P2RX5: variants seen among roughly 807,000 people sequenced by gnomAD.
P2RX5 encodes P2X purinoceptor 5.
A neutral mutation model predicts 54.1 loss-of-function variants in P2RX5; 46 were observed. That is an observed-to-expected ratio of 0.85 (90% CI 0.67 to 1.09). The LOEUF is 1.09. Ranked by LOEUF, P2RX5 falls within the 50% of genes least tolerant of loss-of-function variation. The pLI is 0.00. For synonymous variants in P2RX5, 226 were observed against 226.4 expected, an observed-to-expected ratio of 1.00 and a Z score of 0.02; for missense variants, 566 against 549.8, an observed-to-expected ratio of 1.03 and a Z score of -0.29.
At chr17:3,707,796 C>T in the P2RX5 span, among the ~76,000 whole-genome samples, 1 of 152,092 alleles carries the variant, frequency 6.6e-6, no homozygotes, top group African/African-American at 2.4e-5. Context: ...CGGTGGCTCA[C>T]GCCTGTAATC....
the P2RX5 span, chr17:3,716,664 T>C: frequency 7.4e-7 from 1 of 1,355,900 alleles, no homozygotes; most frequent in Non-Finnish European, 1.1e-6. Flanking sequence ...CTTCCCTCAC[T>C]GTGATGCCAT....
chr17:3,676,263 T>C, intron 11 of P2RX5: 1 of 985,416 alleles, frequency 1.0e-6, no homozygotes, highest in Non-Finnish European at 1.2e-6. Context: ...CGAAACGTAC[T>C]TCATGTCCAT....
chr17:3,673,390 G>A lies in P2RX5; in HGVS notation c.*478C>T. 9.6e-7 allele frequency: 1 copy of A among 1,043,568 alleles called. No homozygotes were observed. Among genetic ancestry groups the A allele is most frequent in the Non-Finnish European group, 1.2e-6 (1 of 864,226 alleles). 64.6% of individuals were successfully genotyped at this position (1,043,568 alleles called of 1,614,324 possible). ...GAAGGTGGTGTCTTTAGGAGAGAGA[G>A]TACTTGGATCCACTGGAGAGTATGC... is the stretch of plus-strand genomic sequence containing the variant. On this transcript the variant is annotated 3_prime_UTR_variant, in exon 12 of 12. Transcript: ENST00000225328.
At chr17:3,689,941 C>T (rs575367091) in intron 6 of P2RX5, 129 bp downstream of exon 6, 42 of 911,350 alleles carry the variant, frequency 4.6e-5, no homozygotes, top group African/African-American at 1.3e-4. Context: ...CACGCACACA[C>T]GCGAACACAC....
At chr17:3,678,180 C>T (rs971854493) in intron 11 of P2RX5, 5 of 890,498 alleles carry the variant, frequency 5.6e-6, no homozygotes, top group African/African-American at 3.6e-5. Context: ...AGAGGACTGT[C>T]GGGAGCCGGT....
rs1257958059 is a variant in P2RX5 at position 3,688,656 on chromosome 17, G to T, written c.857C>A (p.Ser286Ter). ...GTTGTACCCGGAGGAGACAGACTTT[G>T]AAAGTTTATTGTCCAGACGGCTAAA... is the stretch of plus-strand genomic sequence containing the variant. ...YSFSRLDNKL[S>*]KSVSSGYNFR... Residue 286 changes from serine (S) to a stop codon, truncating the protein, a stop_gained, in exon 8 of 12, where the codon TCA becomes TAA. Transcript: ENST00000225328. LOFTEE classifies it high-confidence loss of function. 1 of 1,614,108 alleles carries T rather than the reference G, an allele frequency of 6.2e-7. No individual in the cohort carries two copies. The highest frequency in any genetic ancestry group is 1.7e-5 in the Admixed American group (1 of 60,030).
chr17:3,703,559 A>G, the P2RX5 span, among the ~76,000 whole-genome samples: 1 of 152,012 alleles, frequency 6.6e-6, no homozygotes, highest in Non-Finnish European at 1.5e-5. Flanking sequence ...TCATTTCCCT[A>G]TGGGATGAAG....
At chr17:3,690,874 C>T (rs577825098) in intron 3 of P2RX5, 82 bp downstream of exon 3, 95 of 1,318,502 alleles carry the variant, frequency 7.2e-5, no homozygotes, top group African/African-American at 1.7e-4. Flanking sequence ...TGGACAGACA[C>T]CCTTGCTTCA....
the P2RX5 span, chr17:3,722,479 T>TAA: frequency 6.6e-5 from 7 of 106,864 alleles, no homozygotes; most frequent in South Asian, 6.3e-4. Flanking sequence ...AGACTCCATC[T>TAA]AAAAAAAAAA....
chr17:3,678,754 G>A (rs560364315), intron 11 of P2RX5, among the ~76,000 whole-genome samples: 2 of 152,354 alleles, frequency 1.3e-5, no homozygotes, highest in East Asian at 3.9e-4. Flanking sequence ...TGGTTTGCAA[G>A]AGAGTCACAG....
rs2050542703 is a variant in P2RX5, at chr17:3,689,526, C to T, written c.719G>A (p.Trp240Ter). Residue 240 changes from tryptophan (W) to a stop codon, truncating the protein, a stop_gained, in exon 7 of 12, where the codon TGG becomes TAG. Transcript: ENST00000225328. LOFTEE classifies it high-confidence loss of function. Reference sequence around the variant, plus strand: ...TATATCCTGGAAGTCGCTCCCGGCCCAGCGGATCACGGAGCCCAGTCGGAA... The same window carrying T: ...TATATCCTGGAAGTCGCTCCCGGCCTAGCGGATCACGGAGCCCAGTCGGAA... ...PIFRLGSVIR[W>*]AGSDFQDIAL... is the part of the protein sequence containing the mutation. 1 of 1,614,206 alleles carries T rather than the reference C, an allele frequency of 6.2e-7. No homozygotes were observed. Among genetic ancestry groups the T allele is most frequent in the African/African-American group, 1.3e-5 (1 of 75,068 alleles).
chr17:3,674,678 G>T (rs926077566), intron 11 of P2RX5, among the ~76,000 whole-genome samples: 10 of 152,322 alleles, frequency 6.6e-5, no homozygotes, highest in South Asian at 6.2e-4. Flanking sequence ...CTTCACCCAG[G>T]TTCTCCGTTG....
Position 3,695,935 on chromosome 17 carries a change from G to A in P2RX5, c.71C>T (p.Ala24Val), listed in dbSNP as rs1249676030. 1 of 1,614,040 alleles carries A rather than the reference G, an allele frequency of 6.2e-7. No homozygotes were observed. The highest frequency in any genetic ancestry group is 8.5e-7 in the Non-Finnish European group (1 of 1,180,002). The change falls in exon 1 of 12, where the codon GCC becomes GTC. Residue 24 changes from alanine to valine, a missense_variant. Ala to Val is a moderately conservative substitution (Grantham distance 64, BLOSUM62 0). Transcript: ENST00000225328. ...CAGCAGGCCCACCTTCTTGTTCTTG[G>A]CGATGACATACTTCTCGGTCTTGTA... The part of the protein sequence containing the change: ...FDYKTEKYVI[A>V]KNKKVGLLYR...
At chr17:3,674,204 G>A (rs552542728) in intron 11 of P2RX5, among the ~76,000 whole-genome samples, 33 of 152,206 alleles carry the variant, frequency 2.2e-4, no homozygotes, top group Non-Finnish European at 7.4e-5. Context: ...CCAGCTACTC[G>A]GGAGGCTCAG....
At chr17:3,714,179 A>G in the P2RX5 span, among the ~76,000 whole-genome samples, 1 of 152,054 alleles carries the variant, frequency 6.6e-6, no homozygotes, top group African/African-American at 2.4e-5. Flanking sequence ...CACCTGCCTC[A>G]GCCTCTCAGA....
At chr17:3,710,982 G>C in the P2RX5 span, among the ~76,000 whole-genome samples, 3 of 152,178 alleles carry the variant, frequency 2.0e-5, no homozygotes, top group Non-Finnish European at 4.4e-5. Flanking sequence ...TGCATCCAAA[G>C]TTCAGCGGGT....
the P2RX5 span, among the ~76,000 whole-genome samples, chr17:3,709,943 CAAAA>C: frequency 1.3e-5 from 2 of 151,852 alleles, no homozygotes; most frequent in African/African-American, 4.8e-5. Flanking sequence ...ACAAAACAAA[CAAAA>C]ATTAATAAAA....
chr17:3,723,835 T>C, the P2RX5 span: 2 of 1,546,306 alleles, frequency 1.3e-6, no homozygotes, highest in Admixed American at 2.0e-5. Context: ...GAGGTGCGCA[T>C]GCGCAGGGCC....
At chr17:3,685,212 C>A (rs1315975904) in intron 9 of P2RX5, among the ~76,000 whole-genome samples, 1 of 152,114 alleles carries the variant, frequency 6.6e-6, no homozygotes. Flanking sequence ...ACCTGGGATC[C>A]CAGGGATATC....
Sources: gnomAD v4.1 joint callset for allele counts (sites outside exome capture counted in the v4.1 genomes callset) on GRCh38, gnomAD v4.1.1 for gene constraint, MANE v1.5 for transcripts, NCBI Gene and HGNC (gene_info 2026-07-23, HGNC 2026-07-21) for gene names.